Variants in TMTC4 observed in about 807,000 individuals in gnomAD.
TMTC4 encodes transmembrane O-mannosyltransferase targeting cadherins 4, also known as protein O-mannosyl-transferase TMTC4.
In TMTC4, 65 loss-of-function variants were observed where a neutral mutation model predicts 86.0. The observed-to-expected ratio is 0.76, with a 90% CI of 0.62 to 0.93. The LOEUF (loss-of-function observed/expected upper bound fraction) is 0.93. TMTC4 is among the 40% of genes least tolerant of loss of function. The pLI, the probability that TMTC4 is intolerant of heterozygous loss-of-function variation, is 0.00. For missense variants in TMTC4, 866 were observed against 948.1 expected (o/e 0.91, Z 1.14); for synonymous variants, 379 against 382.5 (o/e 0.99, Z 0.11).
chr13:100,640,840 A>C (rs1025870555), intron 7 of TMTC4, among the ~76,000 whole-genome samples: 4 of 151,854 alleles, frequency 2.6e-5, no homozygotes, highest in Non-Finnish European at 5.9e-5. Flanking sequence ...AAAAAATTCC[A>C]TATCTTTCCA....
At chr13:100,610,237 C>A (rs866510869) in intron 17 of TMTC4, among the ~76,000 whole-genome samples, 1 of 152,212 alleles carries the variant, frequency 6.6e-6, no homozygotes, top group African/African-American at 2.4e-5. Context: ...TCACCCAGCC[C>A]TGCGACTCAC....
At chr13:100,630,832 CAGA>C (rs1881260811) in intron 12 of TMTC4, among the ~76,000 whole-genome samples, 2 of 152,136 alleles carry the variant, frequency 1.3e-5, no homozygotes, top group Non-Finnish European at 1.5e-5. Flanking sequence ...TGCCAGAGAC[CAGA>C]AGATCAAAGG....
rs769981810 is a variant in TMTC4 at position 100,604,394 on chromosome 13, T to G, written c.*600A>C. 9 of 152,444 alleles carry G rather than the reference T, an allele frequency of 5.9e-5. No homozygotes were observed. Among genetic ancestry groups the G allele is most frequent in the Non-Finnish European group, 1.3e-4 (9 of 68,046 alleles). The allele number at this position is 152,444 out of a possible 1,614,324, so 9.4% of individuals were successfully genotyped here. A position where few individuals can be genotyped will look rare whatever the true frequency, so the allele number is the denominator to read the frequency against. The stretch of plus-strand genomic sequence containing the variant: ...AACTGCAAGAGTCAATTTCTTCCTA[T>G]GGGGAAAAGCATATAGATATACTAT... On this transcript the variant is annotated 3_prime_UTR_variant, in exon 19 of 19. Coordinates refer to ENST00000342624, the MANE Select transcript of TMTC4 (RefSeq NM_032813.5).
intron 7 of TMTC4, 42 bp from the exon 8 acceptor site, chr13:100,638,064 G>T: frequency 6.6e-7 from 1 of 1,509,650 alleles, no homozygotes; most frequent in Non-Finnish European, 9.2e-7. Context: ...GGAGAGCTTG[G>T]CTGTGTTAGG....
At chr13:100,611,936 T>C (rs930599802) in intron 17 of TMTC4, among the ~76,000 whole-genome samples, 11 of 152,232 alleles carry the variant, frequency 7.2e-5, no homozygotes, top group African/African-American at 2.7e-4. Context: ...GGGCTGGTTA[T>C]TCTTTTGTGC....
intron 17 of TMTC4, among the ~76,000 whole-genome samples, chr13:100,609,976 T>G (rs1008248088): frequency 1.3e-5 from 2 of 152,158 alleles, no homozygotes; most frequent in Non-Finnish European, 2.9e-5. Context: ...GCCTGAACGT[T>G]TCAGGGCCAA....
At chr13:100,629,500 A>G (rs1445830410) in intron 12 of TMTC4, among the ~76,000 whole-genome samples, 1 of 152,084 alleles carries the variant, frequency 6.6e-6, no homozygotes, top group Non-Finnish European at 1.5e-5. Context: ...TAGGGCTGTG[A>G]AGTTGGATTA....
Position 100,615,207 on chromosome 13 carries a change from G to A in TMTC4, c.1837-777C>T, listed in dbSNP as rs1047155330. Among the ~76,000 whole-genome samples, 5 of 151,888 alleles carry A rather than the reference G, an allele frequency of 3.3e-5. No individual in the cohort carries two copies. In the South Asian group the frequency reaches 6.2e-4, roughly 19 times the overall value. On this transcript the variant is annotated intron_variant, in intron 15 of 18. Transcript: ENST00000342624. ...GGCTGGAGTGCAATGGCGCGATCTC[G>A]GCTCACTGCAACCTCCACCTCCCGG...
intron 3 of TMTC4, chr13:100,665,947 A>C (rs950789508): frequency 2.2e-6 from 1 of 450,920 alleles, no homozygotes; most frequent in African/African-American, 2.0e-5. Context: ...TCGTTGACTC[A>C]GTGACAAGCC....
At chr13:100,628,720 G>A (rs981292367) in intron 12 of TMTC4, among the ~76,000 whole-genome samples, 4 of 152,272 alleles carry the variant, frequency 2.6e-5, no homozygotes, top group Middle Eastern at 3.4e-3. Flanking sequence ...ACCTTGGAAC[G>A]AGGGCATCAG....
chr13:100,623,364 C>G (rs1426350974), intron 15 of TMTC4, among the ~76,000 whole-genome samples: 3 of 152,242 alleles, frequency 2.0e-5, no homozygotes, highest in Non-Finnish European at 2.9e-5. Context: ...TCCCCAGCAG[C>G]TGGGATTACA....
In TMTC4 at chr13:100,605,045, A is replaced by G. The variant is rs762558663; in HGVS notation, c.2232T>C (p.Asn744=). The G allele has an allele frequency of 1.3e-5, 21 of 1,613,992 alleles. No homozygotes were observed. The highest frequency in any genetic ancestry group is 1.7e-6 in the Non-Finnish European group (2 of 1,180,010). The change falls in exon 19 of 19, where the codon AAT becomes AAC. Residue 744 remains asparagine (N), a synonymous_variant. Coordinates refer to ENST00000342624, the MANE Select transcript of TMTC4 (RefSeq NM_032813.5). This position sits in a 1 kb window ranked among gnomAD's most constrained non-coding sequence, Gnocchi z 4.3. ...CTAGCTTTCTTCTCAGCAGACCGTAATTCTCCTTAGTTCCTGATGCCGTGG... is the reference window on the plus strand; with the variant it reads ...CTAGCTTTCTTCTCAGCAGACCGTAGTTCTCCTTAGTTCCTGATGCCGTGG... ...LDPTASGTKE[N]YGLLRRKLEL...
chr13:100,661,319 G>C (rs912699366), intron 5 of TMTC4, among the ~76,000 whole-genome samples: 2 of 152,172 alleles, frequency 1.3e-5, no homozygotes. Context: ...GTGTGTGTAA[G>C]CACATTCAGT....
intron 1 of TMTC4, chr13:100,674,391 G>A (rs1887558969): frequency 1.1e-6 from 1 of 949,456 alleles, no homozygotes; most frequent in Non-Finnish European, 1.2e-6. Context: ...GCAGGCGCCG[G>A]GTGCGCCCGG....
At chr13:100,630,922 T>C (rs1016771709) in intron 12 of TMTC4, among the ~76,000 whole-genome samples, 9 of 152,190 alleles carry the variant, frequency 5.9e-5, no homozygotes, top group Admixed American at 3.9e-4. Flanking sequence ...TCATTAAGAA[T>C]TGGTAAACAG....
At chr13:100,670,187 CCT>C (rs1303532267) in intron 2 of TMTC4, 171 bp downstream of exon 2, 4 of 609,548 alleles carry the variant, frequency 6.6e-6, no homozygotes, top group South Asian at 2.7e-5. Flanking sequence ...ATTCCAGCCC[CCT>C]GATTGGGAAG....
intron 5 of TMTC4, 29 bp downstream of exon 5, chr13:100,662,935 T>C (rs368064062): frequency 3.7e-6 from 6 of 1,611,566 alleles, no homozygotes; most frequent in Middle Eastern, 2.0e-4. Context: ...CTCACGTGCA[T>C]ACAGATGCCT....
At chr13:100,658,542 G>A (rs1885392673) in intron 5 of TMTC4, among the ~76,000 whole-genome samples, 1 of 152,038 alleles carries the variant, frequency 6.6e-6, no homozygotes, top group Non-Finnish European at 1.5e-5. Context: ...GAAACAGGGG[G>A]AGCAGGTGTC....
chr13:100,638,254 C>T, intron 7 of TMTC4: 1 of 449,054 alleles, frequency 2.2e-6, no homozygotes, highest in East Asian at 3.6e-5. Flanking sequence ...GTAATGATTT[C>T]ACAGTCTGCG....
Sources: gnomAD v4.1 joint callset for allele counts (sites outside exome capture counted in the v4.1 genomes callset) on GRCh38, gnomAD v4.1.1 for gene constraint, Gnocchi (gnomAD v3.1) non-coding constraint, MANE v1.5 for transcripts, NCBI Gene and HGNC (gene_info 2026-07-23, HGNC 2026-07-21) for gene names.